Variants in XPNPEP3 observed in about 807,000 individuals in gnomAD.
XPNPEP3 encodes the protein X-prolyl aminopeptidase 3.
XPNPEP3 carries 41 observed loss-of-function variants against 60.0 expected under a neutral mutation model. That is an observed-to-expected ratio of 0.68 (90% confidence interval 0.53 to 0.89). The LOEUF (loss-of-function observed/expected upper bound fraction) is 0.89. Among genes scored for constraint, XPNPEP3 ranks in the 40% least tolerant of loss-of-function variants. The pLI is 0.00. For missense variants in XPNPEP3, 598 were observed against 638.9 expected, an observed-to-expected ratio of 0.94 and a Z score of 0.69; for synonymous variants, 212 against 223.2, an observed-to-expected ratio of 0.95 and a Z score of 0.45.
intron 9 of XPNPEP3, among the ~76,000 whole-genome samples, chr22:40,924,715 G>C (rs1056694728): frequency 3.9e-5 from 6 of 152,186 alleles, no homozygotes; most frequent in South Asian, 2.1e-4. Flanking sequence ...TAGAGACGGG[G>C]TTTCGCCATG....
At chr22:40,876,412 G>A (rs1279479715) in intron 2 of XPNPEP3, among the ~76,000 whole-genome samples, 8 of 152,132 alleles carry the variant, frequency 5.3e-5, no homozygotes, top group South Asian at 2.1e-4. Context: ...TAAGTGTTAC[G>A]TTTTAAGTGT....
chr22:40,883,196 G>A (rs2058055306), intron 3 of XPNPEP3, among the ~76,000 whole-genome samples: 1 of 152,108 alleles, frequency 6.6e-6, no homozygotes, highest in African/African-American at 2.4e-5. Context: ...CTCCAAGAAC[G>A]ATCCATGCAT....
intron 4 of XPNPEP3, among the ~76,000 whole-genome samples, chr22:40,901,760 C>T (rs947880553): frequency 6.6e-5 from 10 of 152,200 alleles, no homozygotes; most frequent in South Asian, 4.1e-4. Context: ...CCACTGCGCC[C>T]GGCTATATGA....
chr22:40,891,569 C>T (rs1051416190), intron 4 of XPNPEP3, among the ~76,000 whole-genome samples: 12 of 152,038 alleles, frequency 7.9e-5, no homozygotes, highest in African/African-American at 2.9e-4. Flanking sequence ...AGGGGAATCG[C>T]TCGAACCTGG....
intron 4 of XPNPEP3, among the ~76,000 whole-genome samples, chr22:40,889,038 T>C (rs1344584394): frequency 1.3e-5 from 2 of 152,138 alleles, no homozygotes; most frequent in African/African-American, 4.8e-5. Flanking sequence ...TGTTTTGTTT[T>C]GTTTTTTCTT....
At chr22:40,862,099 G>C in intron 1 of XPNPEP3, 1 of 1,507,500 alleles carries the variant, frequency 6.6e-7, no homozygotes, top group Admixed American at 2.4e-5. Flanking sequence ...CTGCAAATAG[G>C]TACACTTTTA....
At chr22:40,857,551 CAA>C (rs1440039815) in intron 1 of XPNPEP3, among the ~76,000 whole-genome samples, 5 of 152,258 alleles carry the variant, frequency 3.3e-5, no homozygotes, top group Non-Finnish European at 1.5e-5. Context: ...ACTTAAGTGA[CAA>C]AGTGTCTCAC....
intron 4 of XPNPEP3, 63 bp from the exon 5 acceptor site, chr22:40,907,524 G>T: frequency 6.6e-7 from 1 of 1,525,598 alleles, no homozygotes; most frequent in Non-Finnish European, 9.1e-7. Context: ...CCAGTATTTT[G>T]AATGTTTGAG....
intron 4 of XPNPEP3, chr22:40,907,275 G>A (rs1023931423): frequency 2.4e-6 from 1 of 421,006 alleles, no homozygotes; most frequent in Non-Finnish European, 4.7e-6. Context: ...CAAAAAATTA[G>A]CCGGGTGTGG....
chr22:40,911,242 G>C (rs1436026702), intron 6 of XPNPEP3, among the ~76,000 whole-genome samples: 5 of 151,806 alleles, frequency 3.3e-5, no homozygotes, highest in Admixed American at 3.3e-4. Context: ...CTTATCTTTA[G>C]CACTATTCAT....
At chr22:40,864,842 C>G (rs6002183) in intron 1 of XPNPEP3, among the ~76,000 whole-genome samples, 5,345 of 152,230 alleles carry the variant, frequency 0.035, 131 homozygotes, top group Non-Finnish European at 0.055. Flanking sequence ...ATTAAGACTG[C>G]CTTAACTTAC....
chr22:40,874,787 ACTCATTTAG>A (rs1294032624), intron 2 of XPNPEP3, among the ~76,000 whole-genome samples: 2 of 152,130 alleles, frequency 1.3e-5, no homozygotes, highest in Non-Finnish European at 2.9e-5. Context: ...CCTAGTGGGT[ACTCATTTAG>A]CTAGGTGCAT....
At chr22:40,897,176 C>T (rs1183617869) in intron 4 of XPNPEP3, among the ~76,000 whole-genome samples, 3 of 151,814 alleles carry the variant, frequency 2.0e-5, no homozygotes, top group Non-Finnish European at 2.9e-5. Flanking sequence ...TACAGGCACC[C>T]GCCATCACGC....
At chr22:40,871,678 A>G (rs1001725319) in intron 2 of XPNPEP3, among the ~76,000 whole-genome samples, 13 of 152,154 alleles carry the variant, frequency 8.5e-5, no homozygotes, top group African/African-American at 2.9e-4. Flanking sequence ...GTATGTGTGT[A>G]TAAGTGTACA....
intron 7 of XPNPEP3, among the ~76,000 whole-genome samples, chr22:40,915,050 C>CTTTT (rs34697318): frequency 1.3e-4 from 15 of 117,854 alleles, no homozygotes; most frequent in East Asian, 2.5e-4. Flanking sequence ...CAAGTCCATT[C>CTTTT]TTTTTTTTTT....
At chr22:40,901,500 G>T (rs1218890548) in intron 4 of XPNPEP3, among the ~76,000 whole-genome samples, 2 of 152,148 alleles carry the variant, frequency 1.3e-5, no homozygotes, top group African/African-American at 4.8e-5. Context: ...CTCCCAAAGT[G>T]CTGGAATTAC....
intron 1 of XPNPEP3, chr22:40,859,891 G>C (rs1182662296): frequency 1.3e-5 from 2 of 152,040 alleles, no homozygotes; most frequent in Admixed American, 6.6e-5. Context: ...TGCTATTTTA[G>C]AGTAATGTAT....
intron 7 of XPNPEP3, among the ~76,000 whole-genome samples, chr22:40,921,644 A>G (rs908625642): frequency 2.0e-5 from 3 of 152,200 alleles, no homozygotes; most frequent in African/African-American, 7.2e-5. Context: ...ATTTACAATT[A>G]TAAAATTACA....
At position 40,893,239 on chromosome 22, in the gene XPNPEP3, C is replaced by T. The variant is rs570131839; in HGVS notation, c.792+6724C>T. On this transcript the variant is annotated intron_variant, in intron 4 of 9. Transcript: ENST00000357137. ...TTTTTAATAGATACATCTGGCCGGG[C>T]GCTTATGCCTGTAATCCCAGCACTT... is the stretch of plus-strand genomic sequence containing the variant. Among the ~76,000 whole-genome samples, 227 of 149,150 alleles carry T rather than the reference C, an allele frequency of 1.5e-3. 3 individuals are homozygous for T. Among genetic ancestry groups the T allele is most frequent in the Non-Finnish European group, 7.3e-4 (49 of 67,366 alleles).
Sources: allele counts gnomAD v4.1 joint callset (sites outside exome capture counted in the v4.1 genomes callset), GRCh38; gene constraint gnomAD v4.1.1; transcripts MANE v1.5; gene names NCBI Gene and HGNC (gene_info 2026-07-23, HGNC 2026-07-21).